COL19A1: variants seen among roughly 807,000 people sequenced by gnomAD.
COL19A1 encodes collagen alpha-1(XIX) chain.
Under a neutral mutation model 190.2 loss-of-function variants are expected in COL19A1, and 159 were observed. The ratio of observed to expected loss-of-function variants is 0.84; its 90% CI spans 0.73 to 0.95. The LOEUF (loss-of-function observed/expected upper bound fraction) is 0.95, where lower values mean the gene tolerates loss of function less well. COL19A1 is among the 40% of genes least tolerant of loss of function. The pLI is 0.00. For synonymous variants in COL19A1, 509 were observed against 458.9 expected, an observed-to-expected ratio of 1.11 and a Z score of -1.39; for missense variants, 1,418 against 1,431.9, an observed-to-expected ratio of 0.99 and a Z score of 0.16.
At chr6:69,911,007 G>A (rs1770876814) in intron 4 of COL19A1, among the ~76,000 whole-genome samples, 1 of 152,134 alleles carries the variant, frequency 6.6e-6, no homozygotes, top group African/African-American at 2.4e-5. Flanking sequence ...AGTGCTTGAT[G>A]CTTTGTTATA....
intron 1 of COL19A1, among the ~76,000 whole-genome samples, chr6:69,877,710 A>G (rs1056390596): frequency 6.6e-6 from 1 of 152,128 alleles, no homozygotes; most frequent in African/African-American, 2.4e-5. Flanking sequence ...GGCAACTTAA[A>G]CAACTGGATT....
At chr6:70,180,264 C>T (rs372613818) in intron 42 of COL19A1, 48 bp from the exon 43 acceptor site, 161 of 1,607,720 alleles carry the variant, frequency 1.0e-4, no homozygotes, top group Non-Finnish European at 7.7e-5. Flanking sequence ...CATATGGTGT[C>T]GTTCAGCAAT....
At chr6:69,891,298 T>C (rs973768720) in intron 2 of COL19A1, 1 of 152,672 alleles carries the variant, frequency 6.5e-6, no homozygotes, top group Non-Finnish European at 1.5e-5. Flanking sequence ...AGTTTTAAGG[T>C]TTGGGAAATT....
In COL19A1 at chr6:70,188,205, A is replaced by C; in HGVS notation, c.2987A>C (p.His996Pro). The part of the protein sequence containing the change: ...GNKGSMGSPG[H>P]QGPPGSPGIP... The stretch of plus-strand genomic sequence containing the variant: ...AAGGGCTCCATGGGATCCCCTGGCC[A>C]CCAAGGCCCTCCAGGCTCTCCAGGC... Residue 996 changes from histidine (H) to proline (P), a missense_variant, in exon 47 of 51, where the codon CAC becomes CCC. Transcript: ENST00000620364. The C allele has an allele frequency of 6.2e-7, 1 of 1,612,814 alleles. No homozygotes were observed. The highest frequency in any genetic ancestry group is 2.2e-5 in the East Asian group (1 of 44,856).
intron 16 of COL19A1, among the ~76,000 whole-genome samples, chr6:70,112,490 G>A (rs1269727160): frequency 6.6e-6 from 1 of 152,108 alleles, no homozygotes; most frequent in African/African-American, 2.4e-5. Flanking sequence ...AGCATTAGGG[G>A]AGGAATCTTT....
intron 4 of COL19A1, among the ~76,000 whole-genome samples, chr6:69,916,920 A>G (rs1055546791): frequency 6.6e-6 from 1 of 152,152 alleles, no homozygotes; most frequent in African/African-American, 2.4e-5. Flanking sequence ...TCAAGTTCCA[A>G]CCTGACCTCT....
chr6:70,052,425 T>G (rs1780256608), intron 14 of COL19A1, among the ~76,000 whole-genome samples: 1 of 152,242 alleles, frequency 6.6e-6, no homozygotes, highest in Non-Finnish European at 1.5e-5. Context: ...CATTTGTTTA[T>G]GAACAAATAT....
At chr6:70,169,158 A>T (rs1765349993) in intron 40 of COL19A1, among the ~76,000 whole-genome samples, 1 of 152,156 alleles carries the variant, frequency 6.6e-6, no homozygotes, top group African/African-American at 2.4e-5. Flanking sequence ...GCTGCTTATT[A>T]GGAGGAATGT....
At chr6:70,064,419 G>A (rs951655527) in intron 14 of COL19A1, among the ~76,000 whole-genome samples, 1 of 152,102 alleles carries the variant, frequency 6.6e-6, no homozygotes, top group Non-Finnish European at 1.5e-5. Context: ...AGCCCTTCAT[G>A]CTAAAAACTC....
chr6:69,997,246 G>A (rs1049884840), intron 11 of COL19A1, among the ~76,000 whole-genome samples: 6 of 152,274 alleles, frequency 3.9e-5, no homozygotes, highest in African/African-American at 1.2e-4. Flanking sequence ...TTATGGACTT[G>A]AGGTGCTATC....
intron 7 of COL19A1, among the ~76,000 whole-genome samples, chr6:69,936,187 C>T (rs1582456166): frequency 1.3e-5 from 2 of 152,044 alleles, no homozygotes; most frequent in African/African-American, 4.8e-5. Context: ...TCACTTTGTC[C>T]AGCATGCTCT....
intron 10 of COL19A1, 66 bp downstream of exon 10, chr6:69,960,106 T>C: frequency 6.9e-7 from 1 of 1,444,434 alleles, no homozygotes; most frequent in Non-Finnish European, 9.6e-7. Flanking sequence ...AATTTGCACA[T>C]AATATTCTGA....
At chr6:70,069,191 A>G (rs1488741648) in intron 15 of COL19A1, among the ~76,000 whole-genome samples, 1 of 152,136 alleles carries the variant, frequency 6.6e-6, no homozygotes, top group Admixed American at 6.6e-5. Context: ...GGTACTGTCA[A>G]CTTCTGTTCC....
Position 70,090,888 on chromosome 6 carries a change from A to G in COL19A1, c.1225-11281A>G, listed in dbSNP as rs542648013. The stretch of plus-strand genomic sequence containing the variant: ...TCTCTAGCAACCTGTGTTTCTTTCT[A>G]TTCCTTGAAGAATTTGTTCTTGCTG... On this transcript the variant is annotated intron_variant, in intron 15 of 50. Coordinates refer to ENST00000620364, the MANE Select transcript of COL19A1 (RefSeq NM_001858.6). Among the ~76,000 whole-genome samples the G allele has an allele frequency of 1.3e-4, 20 of 152,200 alleles. No individual in the cohort carries two copies. In the East Asian group the frequency reaches 3.7e-3, roughly 28 times the overall value.
intron 16 of COL19A1, among the ~76,000 whole-genome samples, chr6:70,111,080 A>G (rs1384826532): frequency 6.6e-6 from 1 of 152,188 alleles, no homozygotes; most frequent in Non-Finnish European, 1.5e-5. Context: ...TGTTTCCTAA[A>G]TAATCTTATA....
At position 69,993,688 on chromosome 6, in the gene COL19A1, G is replaced by T. The variant is rs117555018; in HGVS notation, c.1027-29939G>T. 5.5e-3 allele frequency among the ~76,000 whole-genome samples: 831 copies of T among 152,132 alleles called. 18 individuals are homozygous for T. The East Asian group carries it at 0.068, about 13-fold the overall frequency. ...TTTCTTTCTGGTTCAATCTTGGGAGGTTGTCTGTTTCTAGGAGTTTACCTA... is the reference window on the plus strand; with the variant it reads ...TTTCTTTCTGGTTCAATCTTGGGAGTTTGTCTGTTTCTAGGAGTTTACCTA... On this transcript the variant is annotated intron_variant, in intron 11 of 50. Transcript: ENST00000620364.
chr6:70,066,007 T>G (rs1781169730), intron 14 of COL19A1, among the ~76,000 whole-genome samples: 2 of 152,188 alleles, frequency 1.3e-5, no homozygotes, highest in South Asian at 4.1e-4. Context: ...GGTGGGACTG[T>G]AAACTAGTTC....
chr6:70,136,086 A>G (rs1785850594), intron 18 of COL19A1, among the ~76,000 whole-genome samples: 1 of 152,172 alleles, frequency 6.6e-6, no homozygotes, highest in African/African-American at 2.4e-5. Flanking sequence ...CTATCACATG[A>G]GGTTTTAAAA....
At chr6:69,948,367 G>A (rs529193067) in intron 9 of COL19A1, among the ~76,000 whole-genome samples, 2 of 151,816 alleles carry the variant, frequency 1.3e-5, no homozygotes, top group East Asian at 3.9e-4. Context: ...TATCAAGGTT[G>A]GTATAAAATA....
Sources: gnomAD v4.1 joint callset for allele counts (sites outside exome capture counted in the v4.1 genomes callset) on GRCh38, gnomAD v4.1.1 for gene constraint, MANE v1.5 for transcripts, NCBI Gene and HGNC (gene_info 2026-07-23, HGNC 2026-07-21) for gene names.